Variants in EIF4E observed in about 807,000 individuals in gnomAD.
EIF4E encodes eIF-4F 25 kDa subunit.
For synonymous variants in EIF4E, 71 were observed against 88.5 expected (o/e 0.80, Z 1.11); for missense variants, 113 against 265.6 (o/e 0.43, Z 3.99).
chr4:98,885,073 AT>A lies in EIF4E; in HGVS notation c.400-13del, dbSNP rs1460728642. 1.2e-6 allele frequency: 2 copies of A among 1,608,454 alleles called. No homozygotes were observed. The highest frequency in any genetic ancestry group is 4.5e-5 in the East Asian group (2 of 44,452). On this transcript the variant is annotated splice_polypyrimidine_tract_variant and intron_variant, in intron 5 of 6. Transcript: ENST00000450253. ...ATAAGGCACAGAAGCTTAAAAAAAAATCCCAAATTACATTTAATAGATTATA... is the reference window on the plus strand; with the variant it reads ...ATAAGGCACAGAAGCTTAAAAAAAAACCCAAATTACATTTAATAGATTATA...
At chr4:98,909,082 T>C (rs1013551962) in intron 1 of EIF4E, among the ~76,000 whole-genome samples, 3 of 152,282 alleles carry the variant, frequency 2.0e-5, no homozygotes, top group African/African-American at 7.2e-5. Context: ...TGCCAATGCA[T>C]GTGACTGCCA....
At chr4:98,892,783 T>G (rs1160283440) in intron 2 of EIF4E, among the ~76,000 whole-genome samples, 1 of 152,076 alleles carries the variant, frequency 6.6e-6, no homozygotes, top group African/African-American at 2.4e-5. Flanking sequence ...GTGGGGAAAC[T>G]ATTAAATGTG....
intron 1 of EIF4E, among the ~76,000 whole-genome samples, chr4:98,922,491 G>C (rs942534380): frequency 1.3e-5 from 2 of 151,684 alleles, no homozygotes; most frequent in African/African-American, 4.8e-5. Flanking sequence ...AGGAGGCGGA[G>C]GTTGCAGTGA....
chr4:98,895,911 GC>G (rs2110191095), intron 2 of EIF4E, among the ~76,000 whole-genome samples: 1 of 152,142 alleles, frequency 6.6e-6, no homozygotes, highest in Admixed American at 6.5e-5. Flanking sequence ...AATTAGCCAG[GC>G]ATGGGCTGGG....
rs59729154 is a variant in EIF4E at position 98,896,486 on chromosome 4, CA to C, written c.126-5155del. On this transcript the variant is annotated intron_variant, in intron 2 of 6. Transcript: ENST00000450253. Reference sequence around the variant, plus strand: ...CAACATAGCAAGACCCCGCATCTCTCAAAAAAAAAAAAAAAAAAAAAAAACA... The same window carrying C: ...CAACATAGCAAGACCCCGCATCTCTCAAAAAAAAAAAAAAAAAAAAAAACA... Among the ~76,000 whole-genome samples, 320 of 39,006 alleles carry C rather than the reference CA, an allele frequency of 8.2e-3. 1 individual carries two copies. Among genetic ancestry groups the C allele is most frequent in the South Asian group, 0.024 (17 of 716 alleles). 25.6% of individuals were successfully genotyped at this position (39,006 alleles called of 152,430 possible).
intron 5 of EIF4E, 103 bp downstream of exon 5, chr4:98,886,976 C>T: frequency 3.3e-6 from 4 of 1,203,846 alleles, no homozygotes; most frequent in South Asian, 1.2e-5. Context: ...TAGTGTTGGG[C>T]ATCCTTCTCT....
chr4:98,900,825 A>G (rs17028241), intron 2 of EIF4E, among the ~76,000 whole-genome samples: 25,865 of 152,116 alleles, frequency 0.17, 2,640 homozygotes, highest in African/African-American at 0.29. Context: ...ATTAACTATG[A>G]AAACTTAACT....
chr4:98,928,385 C>T (rs1721313760), intron 1 of EIF4E, among the ~76,000 whole-genome samples: 2 of 152,052 alleles, frequency 1.3e-5, no homozygotes, highest in African/African-American at 4.8e-5. Flanking sequence ...AGAGCTTCAC[C>T]GTGACACACG....
chr4:98,887,036 C>T lies in EIF4E; in HGVS notation c.399+43G>A, dbSNP rs1723953068. ...ATAACATATCTTAAGTATCAGTATT[C>T]CAAAACTACCTCTAAAACTGCTTTA... On this transcript the variant is annotated intron_variant, in intron 5 of 6. Coordinates refer to ENST00000450253, the MANE Select transcript of EIF4E (RefSeq NM_001968.5). The surrounding 1 kb of genome is among the most constrained non-coding windows in gnomAD (Gnocchi z 4.0). The T allele has an allele frequency of 6.3e-7, 1 of 1,590,610 alleles. No individual in the cohort carries two copies. Among genetic ancestry groups the T allele is most frequent in the East Asian group, 2.2e-5 (1 of 44,692 alleles).
At chr4:98,922,488 G>A (rs977700009) in intron 1 of EIF4E, among the ~76,000 whole-genome samples, 4 of 151,634 alleles carry the variant, frequency 2.6e-5, no homozygotes, top group East Asian at 1.9e-4. Context: ...CCCAGGAGGC[G>A]GAGGTTGCAG....
intron 1 of EIF4E, among the ~76,000 whole-genome samples, chr4:98,912,259 A>G (rs991869834): frequency 2.0e-5 from 3 of 150,398 alleles, no homozygotes; most frequent in Non-Finnish European, 4.4e-5. Context: ...TCTCGAAAAA[A>G]AAAAAGAAGA....
intron 1 of EIF4E, among the ~76,000 whole-genome samples, chr4:98,918,255 C>T (rs1311939740): frequency 1.4e-5 from 2 of 146,438 alleles, no homozygotes; most frequent in South Asian, 2.2e-4. Context: ...TCCAGCTGGT[C>T]GGGAGGCTGA....
rs1404958340 is a variant in EIF4E at position 98,887,230 on chromosome 4, T to C, written c.286-38A>G. On this transcript the variant is annotated intron_variant, in intron 4 of 6. Coordinates refer to ENST00000450253, the MANE Select transcript of EIF4E (RefSeq NM_001968.5). The surrounding 1 kb of genome is among the most constrained non-coding windows in gnomAD (Gnocchi z 4.0). ...AAGACAACAGTATTACACAACATTG[T>C]TACCTTGACTTTGAGAGATAATCAT... 1.9e-6 allele frequency: 3 copies of C among 1,586,450 alleles called. No homozygotes were observed. Among genetic ancestry groups the C allele is most frequent in the African/African-American group, 2.7e-5 (2 of 74,360 alleles).
intron 1 of EIF4E, among the ~76,000 whole-genome samples, chr4:98,911,661 C>CAAAAAAAAA (rs767631331): frequency 6.7e-5 from 4 of 60,042 alleles, no homozygotes; most frequent in African/African-American, 1.2e-4. Flanking sequence ...AACTCTGTCT[C>CAAAAAAAAA]AAAAAAAAAA....
intron 1 of EIF4E, among the ~76,000 whole-genome samples, chr4:98,906,369 G>A (rs2110204151): frequency 6.6e-6 from 1 of 152,352 alleles, no homozygotes; most frequent in Non-Finnish European, 1.5e-5. Flanking sequence ...ATGGTTGACA[G>A]TGAGGTTAAG....
chr4:98,906,204 A>G (rs1312257090), intron 1 of EIF4E, among the ~76,000 whole-genome samples: 4 of 152,148 alleles, frequency 2.6e-5, no homozygotes, highest in Non-Finnish European at 5.9e-5. Context: ...ACTCACAGGA[A>G]CTTCCAAAAA....
chr4:98,891,121 T>C lies in EIF4E; in HGVS notation c.221+116A>G, dbSNP rs1179671802. On this transcript the variant is annotated intron_variant, in intron 3 of 6. Coordinates refer to ENST00000450253, the MANE Select transcript of EIF4E (RefSeq NM_001968.5). ...AAACTTTTGTGAGGAGATAAAAAAA[T>C]AGATGAACATTCATTAACTGTTTAA... is the stretch of plus-strand genomic sequence containing the variant. 5.3e-6 allele frequency: 6 copies of C among 1,124,396 alleles called. No homozygotes were observed. The Admixed American group carries it at 9.1e-5, about 17-fold the overall frequency. The allele number at this position is 1,124,396 out of a possible 1,614,324, so 69.7% of individuals were successfully genotyped here.
At chr4:98,900,129 G>C (rs1398852020) in intron 2 of EIF4E, among the ~76,000 whole-genome samples, 1 of 151,008 alleles carries the variant, frequency 6.6e-6, no homozygotes, top group Non-Finnish European at 1.5e-5. Context: ...CAGACAGCTA[G>C]AAGATATACA....
intron 2 of EIF4E, among the ~76,000 whole-genome samples, chr4:98,893,903 T>C (rs1275396974): frequency 1.3e-5 from 2 of 152,238 alleles, no homozygotes; most frequent in East Asian, 3.8e-4. Context: ...TCATGAAATA[T>C]AGTTCTTATT....
Sources: allele counts gnomAD v4.1 joint callset (sites outside exome capture counted in the v4.1 genomes callset), GRCh38; gene constraint gnomAD v4.1.1; non-coding constraint Gnocchi (gnomAD v3.1); transcripts MANE v1.5; gene names NCBI Gene and HGNC (gene_info 2026-07-23, HGNC 2026-07-21).